The following SFMBT2 variants were observed in gnomAD, a reference collection of about 807,000 sequenced individuals.
SFMBT2 encodes the protein Scm like with four mbt domains 2.
In SFMBT2, 38 loss-of-function variants were observed where a neutral mutation model predicts 110.1. That is an observed-to-expected ratio of 0.35 (90% CI 0.27 to 0.45). The LOEUF is 0.45. Ranked by LOEUF, SFMBT2 falls within the 20% of genes least tolerant of loss-of-function variation. SFMBT2 has a pLI of 1.00. For synonymous variants in SFMBT2, 425 were observed against 425.4 expected, an observed-to-expected ratio of 1.00 and a Z score of 0.01; for missense variants, 1,011 against 1,094.9, an observed-to-expected ratio of 0.92 and a Z score of 1.08.
At chr10:7,322,129 G>C (rs1843209919) in intron 4 of SFMBT2, among the ~76,000 whole-genome samples, 1 of 152,168 alleles carries the variant, frequency 6.6e-6, no homozygotes, top group South Asian at 2.1e-4. Flanking sequence ...ACCCACTAGG[G>C]GGGAATTGAA....
At chr10:7,309,542 G>A (rs1205691305) in intron 4 of SFMBT2, among the ~76,000 whole-genome samples, 1 of 152,204 alleles carries the variant, frequency 6.6e-6, no homozygotes, top group Non-Finnish European at 1.5e-5. Context: ...TGGAACGGGG[G>A]TGTATAGGAA....
chr10:7,375,591 T>G (rs553207075), intron 2 of SFMBT2, among the ~76,000 whole-genome samples: 13 of 152,286 alleles, frequency 8.5e-5, no homozygotes, highest in African/African-American at 3.1e-4. Context: ...TGGAAGCATC[T>G]GTGCAAACAA....
At chr10:7,215,152 G>A (rs1484193927) in intron 11 of SFMBT2, among the ~76,000 whole-genome samples, 1 of 152,208 alleles carries the variant, frequency 6.6e-6, no homozygotes, top group Non-Finnish European at 1.5e-5. Context: ...TGTAATCCCG[G>A]CATTTTGGGA....
intron 4 of SFMBT2, among the ~76,000 whole-genome samples, chr10:7,342,131 G>C (rs960294376): frequency 3.3e-5 from 5 of 150,878 alleles, no homozygotes; most frequent in African/African-American, 1.2e-4. Context: ...AAGGCTCCAA[G>C]GTCTCCAAGT....
rs1217788703 is a variant in SFMBT2 at position 7,170,171 on chromosome 10, C to T, written c.2544+757G>A. 6.6e-6 allele frequency among the ~76,000 whole-genome samples: 1 copy of T among 152,136 alleles called. No homozygotes were observed. The highest frequency in any genetic ancestry group is 6.5e-5 in the Admixed American group (1 of 15,284). On this transcript the variant is annotated intron_variant, in intron 20 of 20. Transcript: ENST00000397167. This position sits in a 1 kb window ranked among gnomAD's most constrained non-coding sequence, Gnocchi z 4.6. ...GGGCAGACCGGCTAGGGGCCTGGGC[C>T]CCCAGCTGACAGCACAGTGCTGAGC...
chr10:7,350,675 C>A (rs1844283971), intron 4 of SFMBT2, among the ~76,000 whole-genome samples: 1 of 152,182 alleles, frequency 6.6e-6, no homozygotes, highest in Admixed American at 6.5e-5. Context: ...TACTTTAAGT[C>A]TGCATGACAA....
chr10:7,326,821 T>C (rs942598636), intron 4 of SFMBT2, among the ~76,000 whole-genome samples: 2 of 152,178 alleles, frequency 1.3e-5, no homozygotes, highest in African/African-American at 4.8e-5. Flanking sequence ...AGCCTTTGTT[T>C]CCTGGTCCCA....
intron 4 of SFMBT2, among the ~76,000 whole-genome samples, chr10:7,294,858 G>A (rs1842358852): frequency 6.6e-6 from 1 of 151,830 alleles, no homozygotes; most frequent in Non-Finnish European, 1.5e-5. Context: ...TTGCTTTTTT[G>A]TTTTACTCAT....
intron 11 of SFMBT2, among the ~76,000 whole-genome samples, chr10:7,219,261 T>C (rs574016808): frequency 6.6e-6 from 1 of 152,344 alleles, no homozygotes; most frequent in Non-Finnish European, 1.5e-5. Flanking sequence ...GTGTCTACAC[T>C]TTCGTGAATT....
At chr10:7,198,209 T>C (rs1838838679) in intron 14 of SFMBT2, 5 of 928,730 alleles carry the variant, frequency 5.4e-6, no homozygotes, top group African/African-American at 1.8e-5. Context: ...CTGAGATATA[T>C]CCAAGTTGGT....
chr10:7,399,274 C>A (rs1846009305), intron 1 of SFMBT2, among the ~76,000 whole-genome samples: 1 of 152,128 alleles, frequency 6.6e-6, no homozygotes, highest in Non-Finnish European at 1.5e-5. Context: ...GCTCTGTCAC[C>A]CAGGCTGGAG....
At chr10:7,392,740 T>C (rs944628522) in intron 1 of SFMBT2, among the ~76,000 whole-genome samples, 1 of 151,968 alleles carries the variant, frequency 6.6e-6, no homozygotes, top group Admixed American at 6.6e-5. Context: ...TAGTCAGATC[T>C]ATCAATTTGC....
At chr10:7,309,132 G>A (rs953539574) in intron 4 of SFMBT2, among the ~76,000 whole-genome samples, 1 of 152,214 alleles carries the variant, frequency 6.6e-6, no homozygotes, top group Non-Finnish European at 1.5e-5. Flanking sequence ...GAGTAAAGTG[G>A]ACAGCCCTCC....
intron 3 of SFMBT2, among the ~76,000 whole-genome samples, chr10:7,369,027 G>A (rs1267713119): frequency 6.6e-6 from 1 of 152,136 alleles, no homozygotes; most frequent in East Asian, 1.9e-4. Context: ...ATAAAATGTT[G>A]TATTAAAATA....
intron 4 of SFMBT2, among the ~76,000 whole-genome samples, chr10:7,336,604 T>C (rs2131973739): frequency 6.6e-6 from 1 of 152,242 alleles, no homozygotes; most frequent in South Asian, 2.1e-4. Flanking sequence ...CAGTGAGCTA[T>C]GATCATGCCA....
chr10:7,375,103 C>T (rs767621750), intron 2 of SFMBT2, among the ~76,000 whole-genome samples: 3 of 152,228 alleles, frequency 2.0e-5, no homozygotes, highest in East Asian at 1.9e-4. Context: ...GGAAAAGCTA[C>T]GAAGAAAATT....
intron 4 of SFMBT2, among the ~76,000 whole-genome samples, chr10:7,355,597 G>C (rs1357523145): frequency 6.6e-6 from 1 of 152,226 alleles, no homozygotes; most frequent in African/African-American, 2.4e-5. Flanking sequence ...TGGATCACAA[G>C]ATCAGGAGTT....
chr10:7,210,806 G>GAAAACAAAACCA (rs961761015), intron 11 of SFMBT2, among the ~76,000 whole-genome samples: 1 of 151,978 alleles, frequency 6.6e-6, no homozygotes, highest in African/African-American at 2.4e-5. Context: ...GAAGGCCTGG[G>GAAAACAAAACCA]AAAACAAAAC....
At chr10:7,384,237 A>AC (rs1845518352) in intron 1 of SFMBT2, among the ~76,000 whole-genome samples, 2 of 150,368 alleles carry the variant, frequency 1.3e-5, no homozygotes, top group Non-Finnish European at 3.0e-5. Context: ...AAAAAAAAAA[A>AC]ACAACCACAG....
Sources: allele counts gnomAD v4.1 joint callset (sites outside exome capture counted in the v4.1 genomes callset), GRCh38; gene constraint gnomAD v4.1.1; non-coding constraint Gnocchi (gnomAD v3.1); transcripts MANE v1.5; gene names NCBI Gene and HGNC (gene_info 2026-07-23, HGNC 2026-07-21).